VPS54: variants seen among roughly 807,000 people sequenced by gnomAD.
VPS54 encodes the protein vacuolar protein sorting-associated protein 54.
In VPS54, 45 loss-of-function variants were observed where a neutral mutation model predicts 121.5. The ratio of observed to expected loss-of-function variants is 0.37; its 90% CI spans 0.29 to 0.47. VPS54 has a LOEUF of 0.47. VPS54 is among the 20% of genes least tolerant of loss of function. The pLI, the probability that VPS54 is intolerant of heterozygous loss-of-function variation, is 0.99. For synonymous variants in VPS54, 371 were observed against 385.8 expected, an observed-to-expected ratio of 0.96 and a Z score of 0.45; for missense variants, 1,090 against 1,131.4, an observed-to-expected ratio of 0.96 and a Z score of 0.52.
chr2:63,912,244 T>G, intron 20 of VPS54, 101 bp downstream of exon 20: 2 of 1,125,346 alleles, frequency 1.8e-6, no homozygotes, highest in South Asian at 3.1e-5. Context: ...CCTATGAAAG[T>G]TTAGATTATC....
Position 63,939,498 on chromosome 2 carries a change from G to A in VPS54, c.1398+2967C>T, listed in dbSNP as rs1674620437. ...TTATTAACCCTGGTAAATCAAACAA[G>A]AAATTCAAATAGTCTATTCCTGTAA... On this transcript the variant is annotated intron_variant, in intron 11 of 22. Coordinates refer to ENST00000272322, the MANE Select transcript of VPS54 (RefSeq NM_016516.3). Among the ~76,000 whole-genome samples, 4 of 152,154 alleles carry A rather than the reference G, an allele frequency of 2.6e-5. No homozygotes were observed. In the South Asian group the frequency reaches 8.3e-4, roughly 32 times the overall value.
intron 1 of VPS54, among the ~76,000 whole-genome samples, chr2:64,001,837 G>A (rs1265090513): frequency 6.6e-6 from 1 of 152,022 alleles, no homozygotes. Context: ...TGGAGAAGGG[G>A]TGGCACAAGC....
At chr2:63,987,930 T>C (rs1677130438) in intron 1 of VPS54, among the ~76,000 whole-genome samples, 1 of 152,242 alleles carries the variant, frequency 6.6e-6, no homozygotes, top group Non-Finnish European at 1.5e-5. Context: ...ATGAATTCTT[T>C]AGGTTTATCC....
intron 1 of VPS54, among the ~76,000 whole-genome samples, chr2:63,991,853 T>C (rs1033553840): frequency 6.6e-6 from 1 of 152,156 alleles, no homozygotes; most frequent in Non-Finnish European, 1.5e-5. Context: ...CCCAGATGGG[T>C]CCCAGCCTCT....
intron 1 of VPS54, among the ~76,000 whole-genome samples, chr2:64,008,170 TGG>T (rs943574687): frequency 1.3e-5 from 2 of 152,108 alleles, no homozygotes; most frequent in East Asian, 3.9e-4. Context: ...TCCAGCACTT[TGG>T]GAGGACGAGG....
intron 3 of VPS54, among the ~76,000 whole-genome samples, chr2:63,978,551 T>G (rs1049942741): frequency 6.6e-6 from 1 of 152,230 alleles, no homozygotes; most frequent in African/African-American, 2.4e-5. Flanking sequence ...GGATCTGAGC[T>G]TTCTTTGTGG....
At chr2:63,945,058 A>C (rs1674915388) in intron 9 of VPS54, among the ~76,000 whole-genome samples, 1 of 152,200 alleles carries the variant, frequency 6.6e-6, no homozygotes, top group Non-Finnish European at 1.5e-5. Flanking sequence ...GAGGAATAAA[A>C]ATTGTTCTAT....
chr2:64,013,871 C>T (rs1678562643), intron 1 of VPS54, among the ~76,000 whole-genome samples: 1 of 151,602 alleles, frequency 6.6e-6, no homozygotes, highest in African/African-American at 2.4e-5. Context: ...TTATATGATT[C>T]TGAAAGAAAG....
chr2:63,938,639 A>G (rs951780993), intron 11 of VPS54, among the ~76,000 whole-genome samples: 1 of 152,100 alleles, frequency 6.6e-6, no homozygotes, highest in Non-Finnish European at 1.5e-5. Context: ...TGATTTTTGT[A>G]TTATTAGTAG....
chr2:63,996,006 G>A (rs751477181), intron 1 of VPS54, among the ~76,000 whole-genome samples: 5 of 152,132 alleles, frequency 3.3e-5, no homozygotes, highest in Non-Finnish European at 5.9e-5. Flanking sequence ...GTAAATTTCG[G>A]AATTATGTTT....
At chr2:63,899,449 A>C (rs759988598) in intron 21 of VPS54, 25 bp downstream of exon 21, 37 of 1,595,584 alleles carry the variant, frequency 2.3e-5, no homozygotes, top group Middle Eastern at 3.3e-4. Context: ...TATATACATG[A>C]ATAGTTTTAG....
chr2:63,948,928 GC>G, intron 8 of VPS54, 108 bp downstream of exon 8: 1 of 1,362,258 alleles, frequency 7.3e-7, no homozygotes, highest in East Asian at 2.5e-5. Flanking sequence ...AGGTCTGATA[GC>G]CCTTGAAATT....
intron 7 of VPS54, among the ~76,000 whole-genome samples, chr2:63,956,022 C>T (rs928042648): frequency 3.9e-5 from 6 of 152,078 alleles, no homozygotes; most frequent in Admixed American, 6.5e-5. Flanking sequence ...ATACTTTCTA[C>T]TTAGATATGC....
chr2:64,005,392 C>T (rs950097219), intron 1 of VPS54, among the ~76,000 whole-genome samples: 5 of 152,042 alleles, frequency 3.3e-5, no homozygotes, highest in African/African-American at 4.8e-5. Flanking sequence ...CGTGAGCCAC[C>T]GCGCCCAGCC....
chr2:63,909,573 C>T lies in VPS54; in HGVS notation c.2625+2772G>A, dbSNP rs147431412. On this transcript the variant is annotated intron_variant, in intron 20 of 22. Coordinates refer to ENST00000272322, the MANE Select transcript of VPS54 (RefSeq NM_016516.3). ...TAGCTGGGATTACAAGCACCCACTA[C>T]CATGCCCGGCTAATTTTTGTATTTT... 9.2e-5 allele frequency among the ~76,000 whole-genome samples: 14 copies of T among 151,468 alleles called. 1 individual carries two copies. Among genetic ancestry groups the T allele is most frequent in the African/African-American group, 3.1e-4 (13 of 41,332 alleles).
At chr2:63,938,782 A>T (rs1386064052) in intron 11 of VPS54, among the ~76,000 whole-genome samples, 1 of 152,204 alleles carries the variant, frequency 6.6e-6, no homozygotes, top group Non-Finnish European at 1.5e-5. Context: ...ATTATGTAAT[A>T]GGTACAGAGT....
intron 11 of VPS54, among the ~76,000 whole-genome samples, chr2:63,940,780 T>A (rs1022782114): frequency 1.2e-4 from 18 of 152,240 alleles, no homozygotes; most frequent in African/African-American, 4.3e-4. Context: ...ATGTAAGAGT[T>A]CTATATAACT....
chr2:64,001,078 C>T (rs2104674347), intron 1 of VPS54, among the ~76,000 whole-genome samples: 1 of 152,276 alleles, frequency 6.6e-6, no homozygotes, highest in African/African-American at 2.4e-5. Flanking sequence ...CTGAGCTGGC[C>T]CTCAAATCAT....
At chr2:63,940,471 C>T (rs1056493277) in intron 11 of VPS54, among the ~76,000 whole-genome samples, 6 of 152,100 alleles carry the variant, frequency 3.9e-5, no homozygotes, top group Non-Finnish European at 8.8e-5. Context: ...TGACATAGAG[C>T]CATTCCACAT....
Sources: allele counts gnomAD v4.1 joint callset (sites outside exome capture counted in the v4.1 genomes callset), GRCh38; gene constraint gnomAD v4.1.1; transcripts MANE v1.5; gene names NCBI Gene and HGNC (gene_info 2026-07-23, HGNC 2026-07-21).